BARX2: variants seen among roughly 807,000 people sequenced by gnomAD.
BARX2 encodes the protein BARX homeobox 2, also known as homeobox protein BarH-like 2.
A neutral mutation model predicts 25.5 loss-of-function variants in BARX2; 11 were observed. That is an observed-to-expected ratio of 0.43 (90% CI 0.27 to 0.71). BARX2 has a LOEUF of 0.71. Ranked by LOEUF, BARX2 falls within the 30% of genes least tolerant of loss-of-function variation. BARX2 has a pLI of 0.19. For missense variants in BARX2, 360 were observed against 359.9 expected, an observed-to-expected ratio of 1.00 and a Z score of 0.00; for synonymous variants, 137 against 149.5, an observed-to-expected ratio of 0.92 and a Z score of 0.61.
At chr11:129,427,109 A>G (rs1427534560) in intron 1 of BARX2, among the ~76,000 whole-genome samples, 4 of 152,194 alleles carry the variant, frequency 2.6e-5, no homozygotes, top group Admixed American at 6.5e-5. Context: ...ATTTGGCTCA[A>G]TCACTGAGCA....
intron 2 of BARX2, among the ~76,000 whole-genome samples, chr11:129,441,228 A>AGAT (rs568618840): frequency 3.0e-4 from 45 of 152,176 alleles, no homozygotes; most frequent in South Asian, 1.7e-3. Flanking sequence ...CAACTTGTGC[A>AGAT]GATATATTGT....
At chr11:129,429,702 G>A (rs565841056) in intron 1 of BARX2, among the ~76,000 whole-genome samples, 1 of 152,246 alleles carries the variant, frequency 6.6e-6, no homozygotes, top group South Asian at 2.1e-4. Flanking sequence ...CAGTAGAACA[G>A]GACAAAATCT....
chr11:129,396,929 G>A (rs993323886), intron 1 of BARX2, among the ~76,000 whole-genome samples: 3 of 152,160 alleles, frequency 2.0e-5, no homozygotes, highest in Admixed American at 6.5e-5. Flanking sequence ...AGTAGAGGCT[G>A]AGTAGTTCTT....
intron 1 of BARX2, among the ~76,000 whole-genome samples, chr11:129,416,848 G>A (rs1321762196): frequency 1.3e-5 from 2 of 149,680 alleles, no homozygotes; most frequent in African/African-American, 4.9e-5. Flanking sequence ...TTGGAGTATC[G>A]TAGGAGTACA....
chr11:129,441,891 G>GGATA (rs1356899516), intron 2 of BARX2, among the ~76,000 whole-genome samples: 3 of 152,166 alleles, frequency 2.0e-5, no homozygotes. Flanking sequence ...GTTGTGAATG[G>GGATA]GATAGATAAG....
At chr11:129,392,685 C>T (rs1170326843) in intron 1 of BARX2, among the ~76,000 whole-genome samples, 3 of 152,018 alleles carry the variant, frequency 2.0e-5, no homozygotes, top group African/African-American at 7.3e-5. Flanking sequence ...GATCTCGGCC[C>T]ACTGCAGCCT....
chr11:129,439,122 A>C (rs959774952), intron 2 of BARX2, among the ~76,000 whole-genome samples: 1 of 152,106 alleles, frequency 6.6e-6, no homozygotes, highest in Non-Finnish European at 1.5e-5. Context: ...TCAGACTTAC[A>C]TTTTAGAACT....
intron 1 of BARX2, among the ~76,000 whole-genome samples, chr11:129,430,903 C>T (rs998432800): frequency 1.3e-5 from 2 of 152,146 alleles, no homozygotes; most frequent in Non-Finnish European, 2.9e-5. Context: ...GCTCTGTCGC[C>T]CAGGCTGGAG....
intron 3 of BARX2, 85 bp from the exon 4 acceptor site, chr11:129,451,051 A>G: frequency 1.3e-6 from 2 of 1,502,156 alleles, no homozygotes; most frequent in Non-Finnish European, 1.8e-6. Context: ...GATGGTTTAG[A>G]TGCAACGTGA....
chr11:129,437,290 T>C, intron 2 of BARX2: 1 of 567,672 alleles, frequency 1.8e-6, no homozygotes, highest in Non-Finnish European at 2.6e-6. Flanking sequence ...ATCTCCATAT[T>C]TGAACTTAAC....
intron 1 of BARX2, among the ~76,000 whole-genome samples, chr11:129,429,288 T>C (rs1171520898): frequency 6.6e-6 from 1 of 152,008 alleles, no homozygotes; most frequent in East Asian, 1.9e-4. Flanking sequence ...TCCCAGCACT[T>C]TGGGAGGCTG....
At chr11:129,417,541 A>G (rs1334149577) in intron 1 of BARX2, among the ~76,000 whole-genome samples, 2 of 152,244 alleles carry the variant, frequency 1.3e-5, no homozygotes, top group African/African-American at 4.8e-5. Flanking sequence ...CTTCTCTTTC[A>G]GGGCCTAAAA....
chr11:129,449,070 G>A lies in BARX2; in HGVS notation c.574-2066G>A, dbSNP rs980223240. 4.6e-5 allele frequency among the ~76,000 whole-genome samples: 7 copies of A among 152,174 alleles called. No individual in the cohort carries two copies. The South Asian group carries it at 8.3e-4, about 18-fold the overall frequency. ...GGCTGGGGGAAAATAGGGACTGACC[G>A]CTAATGCTATGGGGTTTCTTTTTGG... On this transcript the variant is annotated intron_variant, in intron 3 of 3. Coordinates refer to ENST00000281437, the MANE Select transcript of BARX2 (RefSeq NM_003658.5).
Position 129,451,202 on chromosome 11 carries a change from A to T in BARX2, c.640A>T (p.Thr214Ser). ...TCGCCCCAAGAAGAACTCCATCCCC[A>T]CATCAGAAGAGATTGAAGCTGAAGA... ...KGRPKKNSIP[T>S]SEEIEAEEKM... Residue 214 changes from threonine (T) to serine (S), a missense_variant, in exon 4 of 4, where the codon ACA becomes TCA. Physicochemically the swap from Thr to Ser is moderately conservative, Grantham distance 58. This residue lies in a region of BARX2 where 114 missense variants were observed against 109.4 expected (regional missense o/e 1.04). Coordinates refer to ENST00000281437, the MANE Select transcript of BARX2 (RefSeq NM_003658.5). 6.2e-7 allele frequency: 1 copy of T among 1,614,186 alleles called. No homozygotes were observed. Among genetic ancestry groups the T allele is most frequent in the Non-Finnish European group, 8.5e-7 (1 of 1,180,032 alleles).
chr11:129,392,029 G>A (rs891631493), intron 1 of BARX2, among the ~76,000 whole-genome samples: 2 of 152,224 alleles, frequency 1.3e-5, no homozygotes, highest in African/African-American at 2.4e-5. Flanking sequence ...TGAAGGGCTT[G>A]CATAGCTGGA....
At chr11:129,421,947 C>T (rs1342327197) in intron 1 of BARX2, among the ~76,000 whole-genome samples, 1 of 152,148 alleles carries the variant, frequency 6.6e-6, no homozygotes, top group East Asian at 1.9e-4. Context: ...GTTTGGATCA[C>T]ATTGGAATCT....
chr11:129,444,119 AAGTC>A (rs1179752539), intron 3 of BARX2, among the ~76,000 whole-genome samples: 2 of 152,134 alleles, frequency 1.3e-5, no homozygotes, highest in South Asian at 2.1e-4. Flanking sequence ...GAAAAAAAAA[AAGTC>A]AGTGGATAGA....
intron 1 of BARX2, among the ~76,000 whole-genome samples, chr11:129,395,822 C>T (rs975393229): frequency 1.3e-5 from 2 of 152,102 alleles, no homozygotes; most frequent in East Asian, 1.9e-4. Context: ...CCAGTTCTGC[C>T]GCTCACTGGG....
At chr11:129,450,228 G>A (rs371504287) in intron 3 of BARX2, among the ~76,000 whole-genome samples, 5 of 152,118 alleles carry the variant, frequency 3.3e-5, no homozygotes, top group African/African-American at 1.2e-4. Flanking sequence ...TTCTTCGAAC[G>A]CTACAAGACT....
Sources: gnomAD v4.1 joint callset for allele counts (sites outside exome capture counted in the v4.1 genomes callset) on GRCh38, gnomAD v4.1.1 for gene constraint, gnomAD v4.1.1 regional missense constraint, MANE v1.5 for transcripts, NCBI Gene and HGNC (gene_info 2026-07-23, HGNC 2026-07-21) for gene names.